The following EYS variants were observed in gnomAD, a reference collection of about 807,000 sequenced individuals.
EYS encodes the protein EGF-like photoreceptor maintenance factor.
EYS carries 250 observed loss-of-function variants against 282.1 expected under a neutral mutation model. The ratio of observed to expected loss-of-function variants is 0.89; its 90% CI spans 0.80 to 0.98. The LOEUF is 0.98. Ranked by LOEUF, EYS falls within the 50% of genes least tolerant of loss-of-function variation. The pLI is 0.00. For synonymous variants in EYS, 1,355 were observed against 1,282.9 expected, an observed-to-expected ratio of 1.06 and a Z score of -1.20; for missense variants, 4,016 against 3,709.0, an observed-to-expected ratio of 1.08 and a Z score of -2.15.
chr6:64,094,441 T>C (rs902492587), intron 31 of EYS, among the ~76,000 whole-genome samples: 3 of 152,174 alleles, frequency 2.0e-5, no homozygotes, highest in East Asian at 1.9e-4. Flanking sequence ...GCTCCTGTTA[T>C]TGGTCTATTC....
At chr6:65,455,534 G>T (rs1764569235) in intron 5 of EYS, among the ~76,000 whole-genome samples, 1 of 151,924 alleles carries the variant, frequency 6.6e-6, no homozygotes, top group African/African-American at 2.4e-5. Flanking sequence ...AACGAGAGAA[G>T]ACTCAAATAA....
intron 5 of EYS, among the ~76,000 whole-genome samples, chr6:65,482,616 A>G (rs1765648315): frequency 6.6e-6 from 1 of 152,234 alleles, no homozygotes; most frequent in African/African-American, 2.4e-5. Flanking sequence ...ACTCAAATGG[A>G]GAAATATGTA....
intron 9 of EYS, among the ~76,000 whole-genome samples, chr6:65,353,214 G>A (rs1764353176): frequency 1.3e-5 from 2 of 151,774 alleles, no homozygotes; most frequent in African/African-American, 4.8e-5. Flanking sequence ...ATTTATGAAA[G>A]TAGGAAATAG....
intron 22 of EYS, among the ~76,000 whole-genome samples, chr6:64,729,623 G>A (rs910392810): frequency 2.0e-5 from 3 of 152,152 alleles, no homozygotes; most frequent in African/African-American, 7.2e-5. Context: ...AGTAAGAAAT[G>A]GATGCTTATT....
At chr6:65,506,917 C>G (rs1276767346) in intron 2 of EYS, among the ~76,000 whole-genome samples, 1 of 152,132 alleles carries the variant, frequency 6.6e-6, no homozygotes, top group Non-Finnish European at 1.5e-5. Context: ...TATCCATAGG[C>G]TACAATCACC....
intron 33 of EYS, among the ~76,000 whole-genome samples, chr6:64,038,184 C>A (rs1478622764): frequency 1.3e-5 from 2 of 151,916 alleles, no homozygotes; most frequent in Non-Finnish European, 2.9e-5. Context: ...GTGGATAGGG[C>A]AGATGTTGGT....
intron 14 of EYS, among the ~76,000 whole-genome samples, chr6:64,983,518 T>C (rs1263821488): frequency 6.6e-6 from 1 of 151,288 alleles, no homozygotes; most frequent in Non-Finnish European, 1.5e-5. Flanking sequence ...TCATAAACAA[T>C]GATGCTTCCA....
intron 42 of EYS, among the ~76,000 whole-genome samples, chr6:63,722,536 AAAGT>A (rs1368699259): frequency 1.3e-5 from 2 of 152,212 alleles, no homozygotes; most frequent in African/African-American, 4.8e-5. Flanking sequence ...ATTCAGAAGA[AAAGT>A]AAAGGCAATT....
chr6:63,849,984 G>T lies in EYS; in HGVS notation c.7228+14202C>A, dbSNP rs978086344. 3.9e-5 allele frequency among the ~76,000 whole-genome samples: 6 copies of T among 152,182 alleles called. No individual in the cohort carries two copies. The South Asian group carries it at 6.2e-4, about 16-fold the overall frequency. ...AACTAGTTTAGAGAAGAACATAAAT[G>T]ATCTGATGGAGCTGAAAAACACAGC... On this transcript the variant is annotated intron_variant, in intron 36 of 42. Coordinates refer to ENST00000503581, the MANE Select transcript of EYS (RefSeq NM_001142800.2).
intron 29 of EYS, among the ~76,000 whole-genome samples, chr6:64,315,065 A>C (rs780503090): frequency 6.6e-5 from 10 of 152,184 alleles, no homozygotes; most frequent in Non-Finnish European, 1.5e-4. Flanking sequence ...AGAATCAAAT[A>C]GACACAATAA....
intron 37 of EYS, among the ~76,000 whole-genome samples, chr6:63,799,303 C>A (rs1342921220): frequency 1.3e-5 from 2 of 151,734 alleles, no homozygotes; most frequent in Non-Finnish European, 2.9e-5. Flanking sequence ...CATGAGCCAC[C>A]GTGCCCGGCT....
chr6:63,756,188 G>A (rs567001590), intron 41 of EYS, among the ~76,000 whole-genome samples: 1 of 152,294 alleles, frequency 6.6e-6, no homozygotes, highest in African/African-American at 2.4e-5. Flanking sequence ...GTGAGAGAGA[G>A]CATCCTTGTC....
rs748977292 is a variant in EYS at position 64,436,268 on chromosome 6, G to T, written c.5836-3C>A. 2.0e-6 allele frequency: 3 copies of T among 1,526,190 alleles called. No homozygotes were observed. The African/African-American group carries it at 4.2e-5, about 21-fold the overall frequency. The allele number at this position is 1,526,190 out of a possible 1,614,324, so 94.5% of individuals were successfully genotyped here. A position where few individuals can be genotyped will look rare whatever the true frequency, so the allele number is the denominator to read the frequency against. On this transcript the variant is annotated splice_region_variant and splice_polypyrimidine_tract_variant and intron_variant, in intron 27 of 42. Transcript: ENST00000503581. ...TCACCAGGACAGTAAAAGTGGTACTGTTGGGGGAAAAAATTTTGTCCTCAA... is the reference window on the plus strand; with the variant it reads ...TCACCAGGACAGTAAAAGTGGTACTTTTGGGGGAAAAAATTTTGTCCTCAA...
chr6:64,184,886 A>G (rs1453760617), intron 31 of EYS, among the ~76,000 whole-genome samples: 1 of 140,790 alleles, frequency 7.1e-6, no homozygotes, highest in African/African-American at 2.6e-5. Context: ...TAACATTGCT[A>G]TGGTCTGAAT....
chr6:64,290,090 T>A (rs1436085845), intron 30 of EYS, among the ~76,000 whole-genome samples: 1 of 152,104 alleles, frequency 6.6e-6, no homozygotes, highest in Non-Finnish European at 1.5e-5. Flanking sequence ...TCTGACAGGA[T>A]GAGCTCAGCA....
chr6:65,102,847 A>G, intron 12 of EYS, among the ~76,000 whole-genome samples: 1 of 151,504 alleles, frequency 6.6e-6, no homozygotes, highest in South Asian at 2.1e-4. Flanking sequence ...CATTGGTCTT[A>G]ATTGTTTTAT....
chr6:65,571,748 T>A (rs1764483634), intron 2 of EYS, among the ~76,000 whole-genome samples: 1 of 152,012 alleles, frequency 6.6e-6, no homozygotes, highest in African/African-American at 2.4e-5. Flanking sequence ...AAGTTCAGTC[T>A]ATATAGAAAG....
In EYS at chr6:65,120,014, G is replaced by T. The variant is rs1476179741; in HGVS notation, c.2024-62287C>A. Among the ~76,000 whole-genome samples, 19 of 151,170 alleles carry T rather than the reference G, an allele frequency of 1.3e-4. No homozygotes were observed. The East Asian group carries it at 1.8e-3, about 14-fold the overall frequency. The stretch of plus-strand genomic sequence containing the variant: ...AATACAAAAAATTAGCCGCCGGGCG[G>T]GGTGGCGGGCGCCTGTAGTCCCAGC... On this transcript the variant is annotated intron_variant, in intron 12 of 42. Transcript: ENST00000503581.
chr6:64,137,421 C>G (rs1235329937), intron 31 of EYS, among the ~76,000 whole-genome samples: 1 of 152,116 alleles, frequency 6.6e-6, no homozygotes, highest in African/African-American at 2.4e-5. Flanking sequence ...TGCAAGAGAC[C>G]TAGCATTTGA....
Sources: gnomAD v4.1 joint callset for allele counts (sites outside exome capture counted in the v4.1 genomes callset) on GRCh38, gnomAD v4.1.1 for gene constraint, MANE v1.5 for transcripts, NCBI Gene and HGNC (gene_info 2026-07-23, HGNC 2026-07-21) for gene names.